EVI5: variants seen among roughly 807,000 people sequenced by gnomAD.
EVI5 encodes the protein ecotropic viral integration site 5, also known as ecotropic viral integration site 5 protein homolog.
In EVI5, 73 loss-of-function variants were observed where a neutral mutation model predicts 112.0. The observed-to-expected ratio is 0.65, with a 90% CI of 0.54 to 0.79. EVI5 has a LOEUF of 0.79. EVI5 is among the 30% of genes least tolerant of loss of function. The pLI is 0.00. For synonymous variants in EVI5, 305 were observed against 319.9 expected (o/e 0.95, Z 0.50); for missense variants, 900 against 968.8 (o/e 0.93, Z 0.94).
chr1:92,739,197 C>A (rs939700867), intron 1 of EVI5, among the ~76,000 whole-genome samples: 4 of 139,662 alleles, frequency 2.9e-5, no homozygotes, highest in Admixed American at 2.5e-4. Context: ...CACTTGAACC[C>A]GAGAGGCAGA....
At chr1:92,760,882 C>G (rs1237578682) in intron 1 of EVI5, among the ~76,000 whole-genome samples, 8 of 151,802 alleles carry the variant, frequency 5.3e-5, no homozygotes, top group Non-Finnish European at 1.2e-4. Flanking sequence ...CGGTGAAACC[C>G]CATCTCTACT....
chr1:92,750,982 C>T (rs1680101945), intron 1 of EVI5, among the ~76,000 whole-genome samples: 1 of 152,080 alleles, frequency 6.6e-6, no homozygotes, highest in Admixed American at 6.5e-5. Flanking sequence ...AACCCCGTTT[C>T]TACTAAAAAT....
chr1:92,570,289 CT>C (rs752864155), intron 18 of EVI5, among the ~76,000 whole-genome samples: 173 of 152,054 alleles, frequency 1.1e-3, no homozygotes, highest in Middle Eastern at 3.4e-3. Flanking sequence ...CTCAGCTGTC[CT>C]TTTAGGTGTT....
intron 2 of EVI5, among the ~76,000 whole-genome samples, chr1:92,718,720 C>T (rs1380058803): frequency 1.3e-5 from 2 of 151,806 alleles, no homozygotes; most frequent in African/African-American, 2.4e-5. Flanking sequence ...GATAGAGACA[C>T]AAAAAACCCT....
At chr1:92,580,217 C>A (rs1312633600) in intron 18 of EVI5, among the ~76,000 whole-genome samples, 1 of 152,182 alleles carries the variant, frequency 6.6e-6, no homozygotes, top group Non-Finnish European at 1.5e-5. Flanking sequence ...TAGAGTCATT[C>A]TTTCCTGTTT....
At chr1:92,667,640 T>C (rs1282194681) in intron 10 of EVI5, among the ~76,000 whole-genome samples, 2 of 152,116 alleles carry the variant, frequency 1.3e-5, no homozygotes, top group Non-Finnish European at 2.9e-5. Flanking sequence ...TCCTCAGATG[T>C]TGTCCCACTC....
chr1:92,567,057 C>T (rs528286715), intron 18 of EVI5, among the ~76,000 whole-genome samples: 56 of 152,148 alleles, frequency 3.7e-4, no homozygotes, highest in Middle Eastern at 3.4e-3. Context: ...TCCGCCCACC[C>T]GCCTTGGCCT....
chr1:92,543,686 T>C (rs980395651), intron 19 of EVI5, among the ~76,000 whole-genome samples: 1 of 152,190 alleles, frequency 6.6e-6, no homozygotes, highest in African/African-American at 2.4e-5. Context: ...TGAGTGCAAT[T>C]TGTGGCACCC....
At chr1:92,690,948 C>T (rs1189565364) in intron 9 of EVI5, among the ~76,000 whole-genome samples, 1 of 152,014 alleles carries the variant, frequency 6.6e-6, no homozygotes. Context: ...CACATTAGCT[C>T]CCAGTTTATA....
chr1:92,674,656 G>A (rs188792862), intron 10 of EVI5, among the ~76,000 whole-genome samples: 34 of 150,776 alleles, frequency 2.3e-4, no homozygotes, highest in Admixed American at 1.9e-3. Flanking sequence ...TGCATGTTCT[G>A]CACATGTATC....
chr1:92,587,390 A>T (rs370660552), intron 18 of EVI5, among the ~76,000 whole-genome samples: 381 of 2,086 alleles, frequency 0.18, no homozygotes, highest in Non-Finnish European at 0.22. Context: ...TTCAGGGGCA[A>T]AAAAAAAAAA....
At chr1:92,725,526 C>A (rs1675428999) in intron 2 of EVI5, among the ~76,000 whole-genome samples, 1 of 151,766 alleles carries the variant, frequency 6.6e-6, no homozygotes, top group Non-Finnish European at 1.5e-5. Flanking sequence ...GCTTTGAGAC[C>A]AGCCTGAATA....
chr1:92,715,072 C>A (rs887331010), intron 2 of EVI5, among the ~76,000 whole-genome samples: 5 of 151,974 alleles, frequency 3.3e-5, no homozygotes, highest in Non-Finnish European at 7.4e-5. Context: ...GTGGCACGAT[C>A]TCGGCTCACT....
chr1:92,787,225 GAA>G (rs1364096807), upstream of EVI5, among the ~76,000 whole-genome samples: 1 of 152,196 alleles, frequency 6.6e-6, no homozygotes, highest in Admixed American at 6.5e-5. Flanking sequence ...TAAAGTCAGA[GAA>G]AGGTAAAATG....
intron 2 of EVI5, among the ~76,000 whole-genome samples, chr1:92,709,898 G>T (rs1478294656): frequency 6.6e-6 from 1 of 151,992 alleles, no homozygotes; most frequent in Non-Finnish European, 1.5e-5. Flanking sequence ...GTCTGGCATG[G>T]TGGGGGAGGG....
At chr1:92,693,301 T>G (rs969359534) in intron 9 of EVI5, among the ~76,000 whole-genome samples, 1 of 152,162 alleles carries the variant, frequency 6.6e-6, no homozygotes, top group Non-Finnish European at 1.5e-5. Flanking sequence ...GAGGATCACT[T>G]GAGCCTAGGA....
At chr1:92,646,248 C>A (rs373499598) in intron 13 of EVI5, among the ~76,000 whole-genome samples, 17 of 151,954 alleles carry the variant, frequency 1.1e-4, no homozygotes, top group Non-Finnish European at 1.5e-4. Flanking sequence ...ACAAAAAAAA[C>A]CCCAGAACAC....
rs1302517484 is a variant in EVI5 at position 92,513,549 on chromosome 1, ATATATATATATATATATG to A, written c.*89_*106del. On this transcript the variant is annotated 3_prime_UTR_variant, in exon 20 of 20. Coordinates refer to ENST00000684568, the MANE Select transcript of EVI5 (RefSeq NM_001350197.2). ...TATATATATATATATATATATATAT[ATATATATATATATATATG>A]TACATATGAAACAAATTATTTCCAA... is the stretch of plus-strand genomic sequence containing the variant. 117 of 12,100 alleles carry A rather than the reference ATATATATATATATATATG, an allele frequency of 9.7e-3. 2 individuals carry two copies. In the East Asian group the frequency reaches 0.11, roughly 12 times the overall value. 0.7% of individuals were successfully genotyped at this position (12,100 alleles called of 1,614,324 possible). A position where few individuals can be genotyped will look rare whatever the true frequency, so the allele number is the denominator to read the frequency against.
At chr1:92,704,510 G>C (rs190399943) in intron 3 of EVI5, 45 bp downstream of exon 3, 1 of 1,214,974 alleles carries the variant, frequency 8.2e-7, no homozygotes, top group Non-Finnish European at 1.1e-6. Context: ...TATGTCTGAC[G>C]CACTATGGAA....
Sources: gnomAD v4.1 joint callset for allele counts (sites outside exome capture counted in the v4.1 genomes callset) on GRCh38, gnomAD v4.1.1 for gene constraint, MANE v1.5 for transcripts, NCBI Gene and HGNC (gene_info 2026-07-23, HGNC 2026-07-21) for gene names.